The following DRC11 variants were observed in gnomAD, a reference collection of about 807,000 sequenced individuals.
The protein encoded by DRC11 is dynein regulatory complex subunit 11, also known as IQ and AAA domain-containing protein 1.
At chr2:236,374,742 G>A in the DRC11 span, among the ~76,000 whole-genome samples, 3 of 152,096 alleles carry the variant, frequency 2.0e-5, no homozygotes, top group African/African-American at 4.8e-5. Context: ...CCAGGCTGGA[G>A]TGCAATGGCG....
the DRC11 span, chr2:236,331,404 T>A: frequency 6.2e-7 from 1 of 1,614,008 alleles, no homozygotes; most frequent in Non-Finnish European, 8.5e-7. This position sits in a 1 kb window ranked among gnomAD's most constrained non-coding sequence, Gnocchi z 4.8. Context: ...TCATGCTGGT[T>A]ATCGCCGTAA....
At chr2:236,447,108 C>T in the DRC11 span, among the ~76,000 whole-genome samples, 1 of 151,590 alleles carries the variant, frequency 6.6e-6, no homozygotes. This position sits in a 1 kb window ranked among gnomAD's most constrained non-coding sequence, Gnocchi z 4.6. Flanking sequence ...CCTTCCCAGC[C>T]TGGCTCTTCA....
At chr2:236,404,287 G>T in the DRC11 span, among the ~76,000 whole-genome samples, 1 of 152,064 alleles carries the variant, frequency 6.6e-6, no homozygotes, top group African/African-American at 2.4e-5. Flanking sequence ...TCCAAGGTGT[G>T]TGGATATTGG....
the DRC11 span, among the ~76,000 whole-genome samples, chr2:236,505,007 G>C: frequency 3.9e-4 from 59 of 152,214 alleles, no homozygotes; most frequent in Non-Finnish European, 7.1e-4. Flanking sequence ...AATACAGATG[G>C]AACAACAGGT....
chr2:236,358,261 A>AAT, the DRC11 span, among the ~76,000 whole-genome samples: 10 of 132,176 alleles, frequency 7.6e-5, no homozygotes, highest in East Asian at 2.2e-4. Context: ...ATACTATATG[A>AAT]ATATATAATA....
chr2:236,419,361 G>A, the DRC11 span: 18 of 1,465,834 alleles, frequency 1.2e-5, 1 homozygote, highest in South Asian at 2.4e-4. The surrounding 1 kb of genome is among the most constrained non-coding windows in gnomAD (Gnocchi z 4.8). Context: ...TTTTTGTGCT[G>A]GTCAGTGTCA....
the DRC11 span, among the ~76,000 whole-genome samples, chr2:236,450,342 C>T: frequency 6.9e-4 from 66 of 96,084 alleles, 5 homozygotes; most frequent in South Asian, 3.8e-4. Flanking sequence ...TTTTTTGAGA[C>T]GGGGTCTCGC....
the DRC11 span, among the ~76,000 whole-genome samples, chr2:236,500,320 G>A: frequency 1.3e-5 from 2 of 152,168 alleles, no homozygotes; most frequent in African/African-American, 4.8e-5. This position sits in a 1 kb window ranked among gnomAD's most constrained non-coding sequence, Gnocchi z 6.3. Context: ...TAGGCAGTCC[G>A]GCTCCAGAGT....
chr2:236,434,399 G>A, the DRC11 span, among the ~76,000 whole-genome samples: 1 of 152,116 alleles, frequency 6.6e-6, no homozygotes, highest in East Asian at 1.9e-4. The surrounding 1 kb of genome is among the most constrained non-coding windows in gnomAD (Gnocchi z 5.5). Flanking sequence ...TACTGTCAAC[G>A]TTAGTAACAA....
the DRC11 span, among the ~76,000 whole-genome samples, chr2:236,373,683 CT>C: frequency 1.3e-5 from 2 of 152,172 alleles, no homozygotes; most frequent in Non-Finnish European, 2.9e-5. Context: ...TGACCTTGAA[CT>C]TTTCCATTGC....
At chr2:236,388,575 CAA>C in the DRC11 span, among the ~76,000 whole-genome samples, 1 of 148,254 alleles carries the variant, frequency 6.7e-6, no homozygotes, top group African/African-American at 2.5e-5. Context: ...AAATTTTTTT[CAA>C]AGTTTTCAAC....
At chr2:236,486,204 T>A in the DRC11 span, among the ~76,000 whole-genome samples, 1 of 152,112 alleles carries the variant, frequency 6.6e-6, no homozygotes. This position sits in a 1 kb window ranked among gnomAD's most constrained non-coding sequence, Gnocchi z 5.7. Context: ...GGGAACAGAA[T>A]CCTGCCAGCA....
chr2:236,334,403 T>C, the DRC11 span, among the ~76,000 whole-genome samples: 1 of 152,062 alleles, frequency 6.6e-6, no homozygotes, highest in South Asian at 2.1e-4. This position sits in a 1 kb window ranked among gnomAD's most constrained non-coding sequence, Gnocchi z 7.8. Flanking sequence ...AGAAGTGCAG[T>C]GGGGAGCACA....
chr2:236,425,961 C>G, the DRC11 span, among the ~76,000 whole-genome samples: 1 of 151,956 alleles, frequency 6.6e-6, no homozygotes, highest in South Asian at 2.1e-4. Flanking sequence ...GGATTTATTT[C>G]TGGGCTCTCT....
chr2:236,380,281 C>A, the DRC11 span, among the ~76,000 whole-genome samples: 1 of 152,204 alleles, frequency 6.6e-6, no homozygotes, highest in African/African-American at 2.4e-5. The surrounding 1 kb of genome is among the most constrained non-coding windows in gnomAD (Gnocchi z 4.9). Context: ...AAATGCTTCA[C>A]CAGGGTGTTA....
the DRC11 span, among the ~76,000 whole-genome samples, chr2:236,325,663 T>C: frequency 6.6e-6 from 1 of 151,778 alleles, no homozygotes; most frequent in African/African-American, 2.4e-5. This position sits in a 1 kb window ranked among gnomAD's most constrained non-coding sequence, Gnocchi z 4.4. Flanking sequence ...AGTGCAGTGG[T>C]GTGATCTCAG....
chr2:236,457,998 T>C, the DRC11 span, among the ~76,000 whole-genome samples: 4 of 152,216 alleles, frequency 2.6e-5, no homozygotes, highest in African/African-American at 9.6e-5. The surrounding 1 kb of genome is among the most constrained non-coding windows in gnomAD (Gnocchi z 4.7). Flanking sequence ...GGTATAGAAT[T>C]ATAGAATGAG....
chr2:236,341,633 C>T, the DRC11 span, among the ~76,000 whole-genome samples: 1 of 152,154 alleles, frequency 6.6e-6, no homozygotes, highest in Non-Finnish European at 1.5e-5. Flanking sequence ...TTGGAGTGGC[C>T]CCAGGGCTCA....
chr2:236,396,538 A>G, the DRC11 span, among the ~76,000 whole-genome samples: 1 of 152,066 alleles, frequency 6.6e-6, no homozygotes, highest in Non-Finnish European at 1.5e-5. Context: ...ATATTACACA[A>G]AAGGCGTGGA....
Sources: allele counts gnomAD v4.1 joint callset (sites outside exome capture counted in the v4.1 genomes callset), GRCh38; gene constraint gnomAD v4.1.1; non-coding constraint Gnocchi (gnomAD v3.1); transcripts MANE v1.5; gene names NCBI Gene and HGNC (gene_info 2026-07-23, HGNC 2026-07-21).